TRRAP: variants seen among roughly 807,000 people sequenced by gnomAD.
TRRAP encodes the protein transformation/transcription domain associated protein.
A neutral mutation model predicts 438.8 loss-of-function variants in TRRAP; 41 were observed. That is an observed-to-expected ratio of 0.09 (90% CI 0.07 to 0.12). The LOEUF is 0.12. Ranked by LOEUF, TRRAP falls within the 10% of genes least tolerant of loss-of-function variation. TRRAP has a pLI of 1.00. For missense variants in TRRAP, 3,122 were observed against 5,055.1 expected, an observed-to-expected ratio of 0.62 and a Z score of 11.60; for synonymous variants, 1,994 against 1,962.9, an observed-to-expected ratio of 1.02 and a Z score of -0.42.
chr7:98,935,798 G>C, intron 28 of TRRAP, 123 bp downstream of exon 28: 1 of 633,422 alleles, frequency 1.6e-6, no homozygotes, highest in South Asian at 3.6e-5. Context: ...GTCTTTTTAA[G>C]ATGGGATCAA....
chr7:98,993,828 G>T, intron 66 of TRRAP, 91 bp downstream of exon 66: 1 of 1,314,278 alleles, frequency 7.6e-7, no homozygotes. Context: ...TTGAGCTTTA[G>T]TTGCCGGTCC....
At chr7:98,910,931 A>G (rs1479687238) in intron 16 of TRRAP, 146 bp from the exon 17 acceptor site, 4 of 636,794 alleles carry the variant, frequency 6.3e-6, no homozygotes, top group Non-Finnish European at 9.6e-6. Context: ...GTGAGAAAGG[A>G]GAATTTAAAA....
Position 98,994,888 on chromosome 7 carries a change from T to C in TRRAP, c.10309+40T>C. The stretch of plus-strand genomic sequence containing the variant: ...TCCTTCCCTTCCATAGGGAGAATTG[T>C]GCACGCTGATTTCCTCCGGCTTTAG... On this transcript the variant is annotated intron_variant, in intron 67 of 72. Transcript: ENST00000456197. This position sits in a 1 kb window ranked among gnomAD's most constrained non-coding sequence, Gnocchi z 4.8. 3 of 1,599,630 alleles carry C rather than the reference T, an allele frequency of 1.9e-6. No individual in the cohort carries two copies. The highest frequency in any genetic ancestry group is 2.6e-6 in the Non-Finnish European group (3 of 1,170,502).
At chr7:98,998,218 C>T (rs143410897) in intron 67 of TRRAP, among the ~76,000 whole-genome samples, 1 of 152,304 alleles carries the variant, frequency 6.6e-6, no homozygotes, top group African/African-American at 2.4e-5. Context: ...CTTGACCCCT[C>T]TTCTCCTTAC....
chr7:98,994,351 C>T lies in TRRAP; in HGVS notation c.10048-236C>T, dbSNP rs1793556800. Among the ~76,000 whole-genome samples the T allele has an allele frequency of 1.3e-5, 2 of 152,274 alleles. No homozygotes were observed. Among genetic ancestry groups the T allele is most frequent in the East Asian group, 1.9e-4 (1 of 5,168 alleles). On this transcript the variant is annotated intron_variant, in intron 66 of 72. Coordinates refer to ENST00000456197, the MANE Select transcript of TRRAP (RefSeq NM_001375524.1). This position sits in a 1 kb window ranked among gnomAD's most constrained non-coding sequence, Gnocchi z 4.8. ...AAAAAGTGGGGCTTTTCTGTTTTCG[C>T]TTTTTGAATGTTCAGGTCCCTTACT...
intron 39 of TRRAP, 91 bp downstream of exon 39, chr7:98,951,095 T>TGTGTGTGTGTG (rs1791318671): frequency 1.0e-5 from 2 of 195,258 alleles, no homozygotes; most frequent in African/African-American, 2.9e-5. Flanking sequence ...GTGTGTGTGT[T>TGTGTGTGTGTG]AAGGGGGTTC....
At chr7:99,009,295 G>A (rs1003553890) in intron 70 of TRRAP, among the ~76,000 whole-genome samples, 1 of 152,156 alleles carries the variant, frequency 6.6e-6, no homozygotes, top group Admixed American at 6.5e-5. Context: ...CCAAGAAGGA[G>A]AGACCACAGA....
chr7:98,966,941 C>G, intron 49 of TRRAP, 100 bp from the exon 50 acceptor site: 1 of 1,284,694 alleles, frequency 7.8e-7, no homozygotes, highest in Non-Finnish European at 1.1e-6. Flanking sequence ...TTAGGAATGA[C>G]CTTGTCTTAT....
At chr7:98,984,575 T>C (rs1254844237) in intron 61 of TRRAP, among the ~76,000 whole-genome samples, 1 of 152,176 alleles carries the variant, frequency 6.6e-6, no homozygotes, top group Non-Finnish European at 1.5e-5. Context: ...TCTGTCCTAC[T>C]ATATACTTAG....
intron 30 of TRRAP, 77 bp from the exon 31 acceptor site, chr7:98,942,872 G>C: frequency 6.6e-7 from 1 of 1,506,460 alleles, no homozygotes; most frequent in Non-Finnish European, 9.2e-7. Flanking sequence ...CGATGGAAAT[G>C]AATGATTACA....
At chr7:98,936,826 A>G (rs1790578727) in intron 28 of TRRAP, among the ~76,000 whole-genome samples, 1 of 152,160 alleles carries the variant, frequency 6.6e-6, no homozygotes, top group African/African-American at 2.4e-5. Flanking sequence ...CTTAGATTAT[A>G]CTCAACATGT....
intron 3 of TRRAP, among the ~76,000 whole-genome samples, chr7:98,886,361 TAGAG>T (rs782386524): frequency 2.0e-4 from 31 of 151,586 alleles, no homozygotes; most frequent in African/African-American, 6.8e-4. Flanking sequence ...TCTATATAGA[TAGAG>T]ATAGATATAG....
At chr7:98,900,747 TTTA>T (rs782607853) in intron 11 of TRRAP, 27 bp downstream of exon 11, 114 of 1,581,132 alleles carry the variant, frequency 7.2e-5, no homozygotes, top group Non-Finnish European at 9.9e-5. Flanking sequence ...TTATGTCAGG[TTTA>T]TTGAGATAGT....
chr7:98,938,012 A>G (rs1333874050), intron 30 of TRRAP, among the ~76,000 whole-genome samples, 192 bp downstream of exon 30: 1 of 152,130 alleles, frequency 6.6e-6, no homozygotes, highest in Non-Finnish European at 1.5e-5. Flanking sequence ...CCTCTCTACT[A>G]AAAATACACA....
rs1365584260 is a variant in TRRAP at position 98,878,655 on chromosome 7, C to CGT, written c.-62+19_-62+20dup. ...AGGTCGGGGTAAGTTGGCGGGCGGG[C>CGT]GTCCGAACGGCCCCGGGAGGTGCGC... On this transcript the variant is annotated intron_variant, in intron 1 of 72. Coordinates refer to ENST00000456197, the MANE Select transcript of TRRAP (RefSeq NM_001375524.1). 1 of 151,636 alleles carries CGT rather than the reference C, an allele frequency of 6.6e-6. No homozygotes were observed. The highest frequency in any genetic ancestry group is 2.4e-5 in the African/African-American group (1 of 41,378). The allele number at this position is 151,636 out of a possible 1,614,324, so 9.4% of individuals were successfully genotyped here.
intron 21 of TRRAP, among the ~76,000 whole-genome samples, chr7:98,923,224 TC>T (rs1789879930): frequency 6.6e-6 from 1 of 151,924 alleles, no homozygotes; most frequent in African/African-American, 2.4e-5. Flanking sequence ...GACAAAAAGC[TC>T]CCCCCACCCC....
At position 98,955,292 on chromosome 7, in the gene TRRAP, G is replaced by A. The variant is rs1554419353; in HGVS notation, c.5925G>A (p.Val1975=). The A allele has an allele frequency of 6.2e-7, 1 of 1,613,336 alleles. No homozygotes were observed. Among genetic ancestry groups the A allele is most frequent in the Non-Finnish European group, 8.5e-7 (1 of 1,179,490 alleles). The change falls in exon 41 of 73, where the codon GTG becomes GTA. Residue 1975 remains valine (V), a synonymous_variant. Transcript: ENST00000456197. ...PQLVHILHLI[V]QHFKVYYPVR... ...TGGTCCACATTCTGCACCTGATAGT[G>A]CAACACTTCAAGGTGTGTAGGAGGG...
rs1794447688 is a variant in TRRAP, at chr7:99,011,941, G to A, written c.11338-130G>A. 1 of 1,207,936 alleles carries A rather than the reference G, an allele frequency of 8.3e-7. No individual in the cohort carries two copies. The highest frequency in any genetic ancestry group is 1.5e-5 in the South Asian group (1 of 66,204). The allele number at this position is 1,207,936 out of a possible 1,614,324, so 74.8% of individuals were successfully genotyped here. ...GTCCTGAGGGCACACAGCCTGGCCT[G>A]GTGCTGAAACTCGACTGGCCCTTGG... On this transcript the variant is annotated intron_variant, in intron 72 of 72. Transcript: ENST00000456197. The surrounding 1 kb of genome is among the most constrained non-coding windows in gnomAD (Gnocchi z 7.1).
chr7:98,941,020 TTTTAGCTCTTACA>T (rs372147304), intron 30 of TRRAP, among the ~76,000 whole-genome samples: 5 of 152,226 alleles, frequency 3.3e-5, no homozygotes, highest in African/African-American at 9.6e-5. Context: ...AGTTTTAGAG[TTTTAGCTCTTACA>T]TTTAGGTCTT....
Sources: allele counts gnomAD v4.1 joint callset (sites outside exome capture counted in the v4.1 genomes callset), GRCh38; gene constraint gnomAD v4.1.1; non-coding constraint Gnocchi (gnomAD v3.1); transcripts MANE v1.5; gene names NCBI Gene and HGNC (gene_info 2026-07-23, HGNC 2026-07-21).